Variants in GPATCH2 observed in about 807,000 individuals in gnomAD.
GPATCH2 encodes G patch domain-containing protein 2.
GPATCH2 carries 51 observed loss-of-function variants against 58.0 expected under a neutral mutation model. The observed-to-expected ratio is 0.88, with a 90% confidence interval of 0.70 to 1.11. GPATCH2 has a LOEUF of 1.11. GPATCH2 is among the 50% of genes most tolerant of loss of function. The pLI is 0.00. For synonymous variants in GPATCH2, 222 were observed against 218.5 expected (o/e 1.02, Z -0.14); for missense variants, 625 against 652.2 (o/e 0.96, Z 0.45).
At chr1:217,498,231 A>G in intron 7 of GPATCH2, 125 bp downstream of exon 7, 1 of 807,798 alleles carries the variant, frequency 1.2e-6, no homozygotes, top group Non-Finnish European at 2.2e-6. Context: ...GACATAATTA[A>G]CACCTTTTAA....
intron 5 of GPATCH2, among the ~76,000 whole-genome samples, chr1:217,593,978 T>TA (rs928622939): frequency 2.6e-5 from 4 of 152,078 alleles, no homozygotes; most frequent in African/African-American, 9.7e-5. Flanking sequence ...TAATGAATCT[T>TA]AAGGAGTATG....
chr1:217,627,245 T>C (rs1219380297), intron 1 of GPATCH2, among the ~76,000 whole-genome samples: 3 of 152,038 alleles, frequency 2.0e-5, no homozygotes, highest in Admixed American at 6.6e-5. Context: ...GAGAAACTGG[T>C]CACCAAAAGA....
At chr1:217,500,252 A>G (rs558207551) in intron 6 of GPATCH2, among the ~76,000 whole-genome samples, 1 of 152,124 alleles carries the variant, frequency 6.6e-6, no homozygotes, top group South Asian at 2.1e-4. Context: ...TTCAAATATT[A>G]AAAAATATCT....
intron 9 of GPATCH2, among the ~76,000 whole-genome samples, chr1:217,437,287 A>T (rs1658884117): frequency 6.6e-6 from 1 of 152,136 alleles, no homozygotes; most frequent in Non-Finnish European, 1.5e-5. Flanking sequence ...CCTGGGTTTC[A>T]AGCACAAAAC....
intron 5 of GPATCH2, among the ~76,000 whole-genome samples, chr1:217,564,051 A>G (rs1205475127): frequency 6.1e-5 from 9 of 147,688 alleles, no homozygotes; most frequent in Non-Finnish European, 1.2e-4. Flanking sequence ...TCTCGAAAAA[A>G]AAAAAAAAAA....
intron 5 of GPATCH2, among the ~76,000 whole-genome samples, chr1:217,572,030 TAGGGAGGGAGGG>T (rs752628291): frequency 5.7e-4 from 45 of 79,488 alleles, no homozygotes; most frequent in Non-Finnish European, 3.7e-4. Flanking sequence ...GGAAGGGAGG[TAGGGAGGGAGGG>T]AGGGAGAGGG....
At chr1:217,487,203 A>G (rs965902583) in intron 8 of GPATCH2, among the ~76,000 whole-genome samples, 1 of 152,094 alleles carries the variant, frequency 6.6e-6, no homozygotes, top group Admixed American at 6.6e-5. Context: ...GAAGTTTCCT[A>G]TGTATTTTCT....
intron 9 of GPATCH2, among the ~76,000 whole-genome samples, chr1:217,433,065 T>G (rs145518229): frequency 6.6e-6 from 1 of 152,104 alleles, no homozygotes; most frequent in Non-Finnish European, 1.5e-5. Context: ...AGCACCAATC[T>G]ACACCTCACC....
chr1:217,567,293 G>A lies in GPATCH2; in HGVS notation c.1098+43028C>T, dbSNP rs554052793. Among the ~76,000 whole-genome samples, 11 of 152,234 alleles carry A rather than the reference G, an allele frequency of 7.2e-5. No homozygotes were observed. The East Asian group carries it at 1.5e-3, about 21-fold the overall frequency. On this transcript the variant is annotated intron_variant, in intron 5 of 9. Coordinates refer to ENST00000366935, the MANE Select transcript of GPATCH2 (RefSeq NM_018040.5). ...ACTCCCGACCTCAGGTGATCCGCCC[G>A]CCTGGGCCTCCCAAAGTGCTGGGAT... is the stretch of plus-strand genomic sequence containing the variant.
At chr1:217,609,917 T>C (rs1022729238) in intron 5 of GPATCH2, 5 of 1,143,890 alleles carry the variant, frequency 4.4e-6, no homozygotes, top group Non-Finnish European at 5.4e-6. Flanking sequence ...AAATATATAA[T>C]TTACAGTAGT....
intron 5 of GPATCH2, among the ~76,000 whole-genome samples, chr1:217,517,734 A>T (rs1663238781): frequency 6.6e-6 from 1 of 152,188 alleles, no homozygotes; most frequent in African/African-American, 2.4e-5. Flanking sequence ...TTTCTTCTCC[A>T]AAACACATGC....
intron 5 of GPATCH2, among the ~76,000 whole-genome samples, chr1:217,563,263 T>C (rs1558486720): frequency 6.6e-6 from 1 of 152,150 alleles, no homozygotes; most frequent in Non-Finnish European, 1.5e-5. Context: ...AGTAATGAAT[T>C]GCATCTAGTA....
At chr1:217,442,556 G>C (rs989709340) in intron 9 of GPATCH2, among the ~76,000 whole-genome samples, 10 of 152,104 alleles carry the variant, frequency 6.6e-5, no homozygotes, top group African/African-American at 2.4e-4. Flanking sequence ...TTCCCCAACT[G>C]ATTAAGGTTT....
chr1:217,445,338 A>G (rs1172372416), intron 9 of GPATCH2, among the ~76,000 whole-genome samples: 11 of 152,144 alleles, frequency 7.2e-5, no homozygotes, highest in South Asian at 4.1e-4. Flanking sequence ...TAATATCTCA[A>G]AAAAGGAACT....
intron 8 of GPATCH2, among the ~76,000 whole-genome samples, chr1:217,488,848 T>C (rs547975097): frequency 1.3e-4 from 19 of 149,438 alleles, no homozygotes; most frequent in African/African-American, 3.8e-4. Context: ...TGCACCGCCA[T>C]AGACTATTTA....
At chr1:217,605,590 A>G (rs952975300) in intron 5 of GPATCH2, among the ~76,000 whole-genome samples, 4 of 152,208 alleles carry the variant, frequency 2.6e-5, no homozygotes, top group African/African-American at 4.8e-5. Flanking sequence ...TTTTAAGCTG[A>G]GTCATTTATT....
intron 9 of GPATCH2, among the ~76,000 whole-genome samples, chr1:217,436,901 T>G (rs1403619563): frequency 6.6e-6 from 1 of 152,132 alleles, no homozygotes; most frequent in East Asian, 1.9e-4. Context: ...CTTGCAATAT[T>G]ATATCATCAA....
At chr1:217,481,615 T>G (rs1329945905) in intron 8 of GPATCH2, among the ~76,000 whole-genome samples, 3 of 152,154 alleles carry the variant, frequency 2.0e-5, no homozygotes, top group Non-Finnish European at 4.4e-5. Flanking sequence ...CCCAGCACTT[T>G]GGGAGGCTGA....
intron 1 of GPATCH2, among the ~76,000 whole-genome samples, chr1:217,627,795 T>C (rs1370646147): frequency 2.0e-5 from 3 of 151,514 alleles, no homozygotes; most frequent in African/African-American, 4.9e-5. Context: ...CTGAAGACCA[T>C]GCTTCTGATT....
Sources: allele counts gnomAD v4.1 joint callset (sites outside exome capture counted in the v4.1 genomes callset), GRCh38; gene constraint gnomAD v4.1.1; transcripts MANE v1.5; gene names NCBI Gene and HGNC (gene_info 2026-07-23, HGNC 2026-07-21).